KIAA1671: variants seen among roughly 807,000 people sequenced by gnomAD.
KIAA1671 encodes uncharacterized protein KIAA1671.
In KIAA1671, 52 loss-of-function variants were observed where a neutral mutation model predicts 131.2. The ratio of observed to expected loss-of-function variants is 0.40; its 90% CI spans 0.32 to 0.50. The LOEUF (loss-of-function observed/expected upper bound fraction) is 0.50, where lower values mean the gene tolerates loss of function less well. Ranked by LOEUF, KIAA1671 falls within the 20% of genes least tolerant of loss-of-function variation. The probability of loss-of-function intolerance (pLI) is 0.73; values close to 1 mark genes in which losing one functional copy is unlikely to be tolerated. For missense variants in KIAA1671, 2,360 were observed against 2,364.2 expected, an observed-to-expected ratio of 1.00 and a Z score of 0.04; for synonymous variants, 1,003 against 961.6, an observed-to-expected ratio of 1.04 and a Z score of -0.80.
At chr22:25,065,182 G>A (rs1928401867) in intron 6 of KIAA1671, 1 of 152,274 alleles carries the variant, frequency 6.6e-6, no homozygotes, top group African/African-American at 2.4e-5. Context: ...GCTGAGCCAG[G>A]AATCAAGGCT....
chr22:25,169,712 G>A (rs61015661), intron 6 of KIAA1671, among the ~76,000 whole-genome samples: 1 of 152,110 alleles, frequency 6.6e-6, no homozygotes, highest in Admixed American at 6.5e-5. Flanking sequence ...CGTGTGCCAG[G>A]CTTGGCCCTG....
At chr22:25,031,675 A>G (rs1341269714) in intron 3 of KIAA1671, among the ~76,000 whole-genome samples, 10 of 152,304 alleles carry the variant, frequency 6.6e-5, no homozygotes, top group African/African-American at 2.4e-4. Context: ...TCTTATGTGT[A>G]GCCGGGGCTG....
chr22:25,096,265 T>C (rs1022826570), intron 6 of KIAA1671, among the ~76,000 whole-genome samples: 16 of 152,202 alleles, frequency 1.1e-4, no homozygotes, highest in African/African-American at 3.9e-4. Context: ...ACACAGGGCC[T>C]TGAGGCTCCT....
chr22:25,181,288 G>A (rs1338736281), intron 9 of KIAA1671, among the ~76,000 whole-genome samples: 4 of 152,172 alleles, frequency 2.6e-5, no homozygotes, highest in Non-Finnish European at 5.9e-5. Context: ...CCTTTGGGCC[G>A]CCTTTCCACA....
At chr22:25,058,261 TC>T (rs1371799056) in intron 6 of KIAA1671, 3 of 151,962 alleles carry the variant, frequency 2.0e-5, no homozygotes, top group Admixed American at 2.0e-4. Context: ...GTACAGAGAG[TC>T]CCCATACACC....
At chr22:25,003,702 G>C (rs1602059322) in intron 1 of KIAA1671, among the ~76,000 whole-genome samples, 1 of 151,974 alleles carries the variant, frequency 6.6e-6, no homozygotes, top group Middle Eastern at 3.4e-3. Flanking sequence ...GTGAACCACT[G>C]CGCCCGGCCC....
intron 6 of KIAA1671, among the ~76,000 whole-genome samples, chr22:25,139,829 A>G (rs900320770): frequency 1.2e-4 from 19 of 152,190 alleles, no homozygotes; most frequent in African/African-American, 4.6e-4. Context: ...ATCTAGGAAA[A>G]GGAAGAACAT....
At chr22:24,960,151 A>AAAT (rs932273632) in intron 1 of KIAA1671, among the ~76,000 whole-genome samples, 1 of 151,626 alleles carries the variant, frequency 6.6e-6, no homozygotes, top group African/African-American at 2.4e-5. Flanking sequence ...ATAAATAAAT[A>AAAT]AATAAATAAA....
chr22:25,007,218 T>A (rs1327267426), intron 1 of KIAA1671, among the ~76,000 whole-genome samples: 1 of 152,156 alleles, frequency 6.6e-6, no homozygotes, highest in Non-Finnish European at 1.5e-5. Flanking sequence ...CCAGGTGCGG[T>A]GGCTCACGTC....
At position 24,967,764 on chromosome 22, in the gene KIAA1671, G is replaced by A. The variant is rs570745516; in HGVS notation, c.-208+14992G>A. On this transcript the variant is annotated intron_variant, in intron 1 of 12. Coordinates refer to ENST00000358431, the MANE Select transcript of KIAA1671 (RefSeq NM_001145206.2). ...TCCCAGCACTCTGGGAGGCCAAGGT[G>A]GGCGGATCATGAGGTCAGGAGATCG... Among the ~76,000 whole-genome samples, 239 of 152,274 alleles carry A rather than the reference G, an allele frequency of 1.6e-3. 1 individual carries two copies. The highest frequency in any genetic ancestry group is 0.01 in the Middle Eastern group (3 of 290).
rs768302586 is a variant in KIAA1671 at position 25,174,503 on chromosome 22, C to G, written c.4899+14C>G. 4.7e-6 allele frequency: 7 copies of G among 1,493,422 alleles called. No homozygotes were observed. The highest frequency in any genetic ancestry group is 5.4e-6 in the Non-Finnish European group (6 of 1,116,610). 92.5% of individuals were successfully genotyped at this position (1,493,422 alleles called of 1,614,324 possible). A position where few individuals can be genotyped will look rare whatever the true frequency, so the allele number is the denominator to read the frequency against. ...TCCTTCATTGATGTAAGTCAGTGGC[C>G]AGGAGCATTTCTTCTTAAATGGAAA... On this transcript the variant is annotated intron_variant, in intron 8 of 12. Coordinates refer to ENST00000358431, the MANE Select transcript of KIAA1671 (RefSeq NM_001145206.2).
chr22:25,044,072 G>A (rs1417193770), intron 5 of KIAA1671, among the ~76,000 whole-genome samples: 12 of 152,110 alleles, frequency 7.9e-5, no homozygotes, highest in Admixed American at 7.9e-4. Flanking sequence ...ATGGAGTCAG[G>A]CTTTGAACCC....
intron 1 of KIAA1671, among the ~76,000 whole-genome samples, chr22:24,998,963 G>A (rs1357339040): frequency 6.6e-6 from 1 of 151,974 alleles, no homozygotes; most frequent in Admixed American, 6.6e-5. Flanking sequence ...GGAGGAAACT[G>A]TTATGAGCAT....
intron 6 of KIAA1671, among the ~76,000 whole-genome samples, chr22:25,128,438 A>T (rs908751595): frequency 6.6e-6 from 1 of 152,204 alleles, no homozygotes; most frequent in African/African-American, 2.4e-5. Flanking sequence ...CTATCTTGCC[A>T]GGAACATGAT....
chr22:25,100,590 A>T (rs967659257), intron 6 of KIAA1671, among the ~76,000 whole-genome samples: 1 of 152,204 alleles, frequency 6.6e-6, no homozygotes, highest in Admixed American at 6.5e-5. Flanking sequence ...GACTTGGACT[A>T]GTGATGTCAT....
At chr22:25,128,704 C>G (rs1399574740) in intron 6 of KIAA1671, among the ~76,000 whole-genome samples, 1 of 152,160 alleles carries the variant, frequency 6.6e-6, no homozygotes, top group Admixed American at 6.5e-5. Context: ...CTTTGCACCC[C>G]CATAAGCCAT....
Position 25,029,514 on chromosome 22 carries a change from G to A in KIAA1671, c.1515G>A (p.Arg505=). 6.5e-7 allele frequency: 1 copy of A among 1,546,402 alleles called. No individual in the cohort carries two copies. ...TCAGGAGGAGGACGTTCCAGGCTCG[G>A]CCGCTGTCGGCGGATTTGACCAAAT... is the stretch of plus-strand genomic sequence containing the variant. ...PEVRRRTFQA[R]PLSADLTKLF... is the part of the protein sequence containing the mutation. Residue 505 remains arginine (R), a synonymous_variant, in exon 3 of 13, where the codon CGG becomes CGA. Coordinates refer to ENST00000358431, the MANE Select transcript of KIAA1671 (RefSeq NM_001145206.2).
At chr22:24,988,909 GA>G in intron 1 of KIAA1671, among the ~76,000 whole-genome samples, 1 of 152,160 alleles carries the variant, frequency 6.6e-6, no homozygotes, top group Non-Finnish European at 1.5e-5. Context: ...CTCACAGTTG[GA>G]AAAACTGAGG....
At chr22:24,993,568 C>A (rs537523246) in intron 1 of KIAA1671, among the ~76,000 whole-genome samples, 1 of 152,276 alleles carries the variant, frequency 6.6e-6, no homozygotes, top group South Asian at 2.1e-4. Context: ...ACATCACAAA[C>A]CCTGTTCCCA....
Sources: allele counts gnomAD v4.1 joint callset (sites outside exome capture counted in the v4.1 genomes callset), GRCh38; gene constraint gnomAD v4.1.1; transcripts MANE v1.5; gene names NCBI Gene and HGNC (gene_info 2026-07-23, HGNC 2026-07-21).